TRPM3: variants seen among roughly 807,000 people sequenced by gnomAD.
The protein encoded by TRPM3 is long transient receptor potential channel 3.
TRPM3 carries 77 observed loss-of-function variants against 181.2 expected under a neutral mutation model. The observed-to-expected ratio is 0.42, with a 90% CI of 0.35 to 0.51. TRPM3 has a LOEUF of 0.51. Among genes scored for constraint, TRPM3 ranks in the 20% least tolerant of loss-of-function variants. The probability of loss-of-function intolerance (pLI) is 0.01; values close to 1 mark genes in which losing one functional copy is unlikely to be tolerated. For missense variants in TRPM3, 1,759 were observed against 2,196.7 expected (o/e 0.80, Z 3.98); for synonymous variants, 745 against 796.4 (o/e 0.94, Z 1.09).
intron 7 of TRPM3, among the ~76,000 whole-genome samples, chr9:70,778,511 G>A (rs774840266): frequency 1.3e-5 from 2 of 152,084 alleles, no homozygotes; most frequent in African/African-American, 2.4e-5. Flanking sequence ...AACCACCAGC[G>A]TTCTTTGTCT....
intron 1 of TRPM3, among the ~76,000 whole-genome samples, chr9:71,012,029 C>T (rs1035842634): frequency 2.6e-5 from 4 of 152,004 alleles, no homozygotes; most frequent in African/African-American, 9.7e-5. Flanking sequence ...GCGATCTGCC[C>T]GCATTGGCCT....
At chr9:70,795,151 G>A (rs1016413281) in intron 6 of TRPM3, among the ~76,000 whole-genome samples, 8 of 152,168 alleles carry the variant, frequency 5.3e-5, no homozygotes, top group African/African-American at 1.7e-4. Flanking sequence ...AGCATCCTCA[G>A]ATTTTGGTAT....
At chr9:70,999,280 C>T (rs535967856) in intron 1 of TRPM3, among the ~76,000 whole-genome samples, 26 of 152,332 alleles carry the variant, frequency 1.7e-4, no homozygotes, top group Non-Finnish European at 3.1e-4. Context: ...CTGATTTCTC[C>T]AGTCTGGTGA....
chr9:71,338,955 A>T (rs1278966798), intron 1 of TRPM3, among the ~76,000 whole-genome samples: 3 of 152,186 alleles, frequency 2.0e-5, no homozygotes, highest in Non-Finnish European at 4.4e-5. Context: ...TTTGTAGATA[A>T]CATGATAGTA....
At chr9:70,898,119 GTT>G (rs780424002) in intron 1 of TRPM3, among the ~76,000 whole-genome samples, 1 of 142,174 alleles carries the variant, frequency 7.0e-6, no homozygotes, top group African/African-American at 2.6e-5. Context: ...ACAATAAATT[GTT>G]TTTTTTTTTT....
At position 71,081,099 on chromosome 9, in the gene TRPM3, G is replaced by A. The variant is rs150358392; in HGVS notation, c.177+40079C>T. Among the ~76,000 whole-genome samples, 82 of 152,102 alleles carry A rather than the reference G, an allele frequency of 5.4e-4. No homozygotes were observed. The East Asian group carries it at 8.1e-3, about 15-fold the overall frequency. ...GCAAGTCCAAGACCCCCCTCTCCTC[G>A]CTCCCACCTCAGCTTCCTGGATGTG... On this transcript the variant is annotated intron_variant, in intron 1 of 25. Transcript: ENST00000677713.
intron 1 of TRPM3, among the ~76,000 whole-genome samples, chr9:71,220,142 C>T (rs1388969313): frequency 1.3e-5 from 2 of 152,158 alleles, no homozygotes; most frequent in South Asian, 2.1e-4. Flanking sequence ...TAAAGCCCCT[C>T]TAGTGCTAGT....
At chr9:70,639,853 A>AG (rs1278724243) in intron 10 of TRPM3, among the ~76,000 whole-genome samples, 1 of 152,200 alleles carries the variant, frequency 6.6e-6, no homozygotes, top group Non-Finnish European at 1.5e-5. Context: ...GAATGAAGAC[A>AG]GGGGCTCCAT....
chr9:71,237,101 G>GAATGGGA (rs200455878), intron 1 of TRPM3, among the ~76,000 whole-genome samples: 2,484 of 150,726 alleles, frequency 0.016, 41 homozygotes, highest in South Asian at 0.036. Context: ...GGGGGATGGG[G>GAATGGGA]AAAGGGGAAA....
intron 1 of TRPM3, among the ~76,000 whole-genome samples, chr9:71,295,407 T>A (rs1219874817): frequency 1.3e-5 from 2 of 151,934 alleles, no homozygotes; most frequent in East Asian, 3.9e-4. Context: ...ATAAAAGATT[T>A]GTTTTAAATG....
intron 22 of TRPM3, among the ~76,000 whole-genome samples, chr9:70,571,728 T>G (rs560918678): frequency 3.3e-4 from 50 of 152,246 alleles, no homozygotes; most frequent in Middle Eastern, 3.4e-3. Context: ...TCACAACACA[T>G]GTAGGACAGT....
intron 1 of TRPM3, among the ~76,000 whole-genome samples, chr9:71,389,786 G>A (rs1415979863): frequency 6.6e-6 from 1 of 152,074 alleles, no homozygotes; most frequent in Non-Finnish European, 1.5e-5. Flanking sequence ...TAAGCTATGA[G>A]GATGCAAAGG....
At chr9:70,690,798 A>G (rs777346322) in intron 8 of TRPM3, among the ~76,000 whole-genome samples, 7 of 152,200 alleles carry the variant, frequency 4.6e-5, no homozygotes, top group Non-Finnish European at 1.0e-4. Context: ...AAATGCCTGT[A>G]AGCACATATT....
chr9:71,220,136 G>A (rs2080143347), intron 1 of TRPM3, among the ~76,000 whole-genome samples: 1 of 152,062 alleles, frequency 6.6e-6, no homozygotes, highest in South Asian at 2.1e-4. Flanking sequence ...CATGTTTAAA[G>A]CCCCTCTAGT....
chr9:70,978,066 G>A (rs1396966026), intron 1 of TRPM3, among the ~76,000 whole-genome samples: 3 of 152,132 alleles, frequency 2.0e-5, no homozygotes, highest in African/African-American at 7.2e-5. Context: ...GGTCCTTCTG[G>A]TGACCAGCTC....
chr9:70,916,291 A>G (rs924927617), intron 1 of TRPM3, among the ~76,000 whole-genome samples: 10 of 152,338 alleles, frequency 6.6e-5, no homozygotes, highest in African/African-American at 2.4e-4. Context: ...GAGCAATAAG[A>G]AATCATCTGA....
chr9:71,331,836 G>C (rs75014908), intron 1 of TRPM3, among the ~76,000 whole-genome samples: 11,315 of 29,396 alleles, frequency 0.38, 1,217 homozygotes, highest in Non-Finnish European at 0.45. Flanking sequence ...GAAGAGGAGA[G>C]GGAGGAGGAG....
At chr9:71,384,657 C>T (rs1467041361) in intron 1 of TRPM3, among the ~76,000 whole-genome samples, 1 of 152,142 alleles carries the variant, frequency 6.6e-6, no homozygotes, top group Non-Finnish European at 1.5e-5. Flanking sequence ...GTTTTCCTAG[C>T]CTTTAGCAAT....
intron 1 of TRPM3, among the ~76,000 whole-genome samples, chr9:71,249,786 G>A (rs969660444): frequency 2.0e-5 from 3 of 152,140 alleles, no homozygotes; most frequent in African/African-American, 7.2e-5. Flanking sequence ...CTACGAGATA[G>A]GAAAGAACTG....
Sources: allele counts gnomAD v4.1 joint callset (sites outside exome capture counted in the v4.1 genomes callset), GRCh38; gene constraint gnomAD v4.1.1; transcripts MANE v1.5; gene names NCBI Gene and HGNC (gene_info 2026-07-23, HGNC 2026-07-21).